Variants in FBXO5 observed in about 807,000 individuals in gnomAD.
FBXO5 encodes F-box protein 5.
A neutral mutation model predicts 43.3 loss-of-function variants in FBXO5; 8 were observed. The ratio of observed to expected loss-of-function variants is 0.18; its 90% CI spans 0.11 to 0.33. The LOEUF is 0.33. Among genes scored for constraint, FBXO5 ranks in the 10% least tolerant of loss-of-function variants. The probability of loss-of-function intolerance (pLI) is 1.00; values close to 1 mark genes in which losing one functional copy is unlikely to be tolerated. For synonymous variants in FBXO5, 204 were observed against 193.7 expected, an observed-to-expected ratio of 1.05 and a Z score of -0.44; for missense variants, 491 against 535.7, an observed-to-expected ratio of 0.92 and a Z score of 0.82.
At chr6:152,973,499 A>G (rs1584078156) in intron 2 of FBXO5, 1 of 167,970 alleles carries the variant, frequency 6.0e-6, no homozygotes, top group African/African-American at 2.4e-5. Flanking sequence ...CTCTAGGCAC[A>G]CTGCTATTAG....
rs761612071 is a variant in FBXO5, at chr6:152,975,347, T to G, written c.378A>C (p.Thr126=). 4.3e-6 allele frequency: 7 copies of G among 1,614,180 alleles called. No homozygotes were observed. The highest frequency in any genetic ancestry group is 5.9e-6 in the Non-Finnish European group (7 of 1,180,014). ...CTTCTATTTCATTTGTACTATTAAGTGTCTGTTGCACATGTTGATTTTCCT... is the reference window on the plus strand; with the variant it reads ...CTTCTATTTCATTTGTACTATTAAGGGTCTGTTGCACATGTTGATTTTCCT... ...HNKENQHVQQ[T]LNSTNEIEAL... Residue 126 remains threonine (T), a synonymous_variant, in exon 2 of 5, where the codon ACA becomes ACC. Coordinates refer to ENST00000229758, the MANE Select transcript of FBXO5 (RefSeq NM_012177.5).
intron 1 of FBXO5, among the ~76,000 whole-genome samples, chr6:152,980,692 C>T (rs926388159): frequency 6.6e-6 from 1 of 152,062 alleles, no homozygotes; most frequent in African/African-American, 2.4e-5. Context: ...TGCATAAATT[C>T]AAGGTCTGTT....
At chr6:152,974,651 C>T (rs2129093590) in intron 2 of FBXO5, among the ~76,000 whole-genome samples, 2 of 152,320 alleles carry the variant, frequency 1.3e-5, no homozygotes, top group Middle Eastern at 6.8e-3. Flanking sequence ...CTTTTGAATG[C>T]TGACATGATG....
intron 2 of FBXO5, 59 bp downstream of exon 2, chr6:152,974,848 G>A (rs1778138908): frequency 1.5e-6 from 2 of 1,341,408 alleles, no homozygotes; most frequent in African/African-American, 2.9e-5. Flanking sequence ...GTGGTACTGA[G>A]CCACTAACAG....
At chr6:152,983,240 CCCA>C (rs1330864851), upstream of FBXO5, 1 of 337,700 alleles carries the variant, frequency 3.0e-6, no homozygotes, top group Non-Finnish European at 5.4e-6. Flanking sequence ...TTACCGGCTC[CCCA>C]CGTCCGGAAA....
rs555149657 is a variant in FBXO5 at position 152,971,109 on chromosome 6, C to G, written c.*54G>C. ...CAATACAATTTTTTTTAAGTTAAAA[C>G]CTAACATTTTCTAACTAACATTCAT... On this transcript the variant is annotated 3_prime_UTR_variant, in exon 5 of 5. Transcript: ENST00000229758. The G allele has an allele frequency of 1.3e-6, 2 of 1,505,928 alleles. No individual in the cohort carries two copies. The highest frequency in any genetic ancestry group is 1.8e-6 in the Non-Finnish European group (2 of 1,124,012). The allele number at this position is 1,505,928 out of a possible 1,614,324, so 93.3% of individuals were successfully genotyped here. A position where few individuals can be genotyped will look rare whatever the true frequency, so the allele number is the denominator to read the frequency against.
intron 1 of FBXO5, among the ~76,000 whole-genome samples, chr6:152,977,337 A>C (rs900321260): frequency 6.6e-6 from 1 of 152,244 alleles, no homozygotes; most frequent in African/African-American, 2.4e-5. Context: ...GTCTGCACTA[A>C]ATATTGGTAA....
In FBXO5 at chr6:152,982,909, G is replaced by T; in HGVS notation, c.51C>A (p.Cys17Ter). Reference protein sequence around the residue: ...SCALRPPRCSCSASPSAVTAA... With the variant: ...SCALRPPRCS ...CTGTCACTGCGCTGGGGCTGGCGCTGCAGGAGCAGCGGGGTGGCCGTAGGG... is the reference window on the plus strand; with the variant it reads ...CTGTCACTGCGCTGGGGCTGGCGCTTCAGGAGCAGCGGGGTGGCCGTAGGG... Residue 17 changes from cysteine to a stop codon, truncating the protein, a stop_gained, in exon 1 of 5, where the codon TGC (cysteine) becomes TGA (stop). Coordinates refer to ENST00000229758, the MANE Select transcript of FBXO5 (RefSeq NM_012177.5). LOFTEE classifies it high-confidence loss of function. 1 of 1,488,242 alleles carries T rather than the reference G, an allele frequency of 6.7e-7. No individual in the cohort carries two copies. The allele number at this position is 1,488,242 out of a possible 1,614,324, so 92.2% of individuals were successfully genotyped here.
rs1333232776 is a variant in FBXO5, at chr6:152,982,877, C to T, written c.83G>A (p.Gly28Glu). ...SASPSAVTAA[G>E]RPRPSDSCKE... Reference sequence around the variant, plus strand: ...CTCACTATCCGAGGGTCGAGGGCGCCCGGCGGCTGTCACTGCGCTGGGGCT... The same window carrying T: ...CTCACTATCCGAGGGTCGAGGGCGCTCGGCGGCTGTCACTGCGCTGGGGCT... Residue 28 changes from glycine to glutamate, a missense_variant, in exon 1 of 5, where the codon GGG becomes GAG. Gly to Glu is a moderately conservative substitution (Grantham distance 98, BLOSUM62 -2). Coordinates refer to ENST00000229758, the MANE Select transcript of FBXO5 (RefSeq NM_012177.5). 1 of 1,512,136 alleles carries T rather than the reference C, an allele frequency of 6.6e-7. No homozygotes were observed. The highest frequency in any genetic ancestry group is 2.0e-5 in the Admixed American group (1 of 50,382). 93.7% of individuals were successfully genotyped at this position (1,512,136 alleles called of 1,614,324 possible).
intron 1 of FBXO5, among the ~76,000 whole-genome samples, chr6:152,979,611 T>C (rs571066152): frequency 6.6e-5 from 10 of 152,334 alleles, no homozygotes; most frequent in African/African-American, 2.4e-4. Context: ...TTGGAATTCT[T>C]CTTTACAGCA....
intron 3 of FBXO5, chr6:152,972,727 G>A (rs1221425953): frequency 2.1e-6 from 1 of 468,830 alleles, no homozygotes; most frequent in Non-Finnish European, 3.8e-6. Context: ...AAGTAAAACA[G>A]CTTTTCCAAA....
chr6:152,980,523 G>A (rs1231349006), intron 1 of FBXO5, among the ~76,000 whole-genome samples: 2 of 152,160 alleles, frequency 1.3e-5, no homozygotes, highest in Admixed American at 6.5e-5. Context: ...GGTCAAAAGT[G>A]GAGAAATTTG....
upstream of FBXO5, chr6:152,983,145 G>A: frequency 2.4e-6 from 1 of 413,970 alleles, no homozygotes; most frequent in Non-Finnish European, 4.3e-6. Context: ...CCAATAGGAG[G>A]GCAGTGGGTG....
intron 1 of FBXO5, among the ~76,000 whole-genome samples, chr6:152,976,833 A>G (rs1778175986): frequency 6.6e-6 from 1 of 152,172 alleles, no homozygotes; most frequent in South Asian, 2.1e-4. Flanking sequence ...TCCCTGTGCT[A>G]CAGACATTTT....
Position 152,982,963 on chromosome 6 carries a change from A to G in FBXO5, c.-4T>C. The G allele has an allele frequency of 7.1e-7, 1 of 1,402,512 alleles. No individual in the cohort carries two copies. Among genetic ancestry groups the G allele is most frequent in the Non-Finnish European group, 9.2e-7 (1 of 1,086,652 alleles). 86.9% of individuals were successfully genotyped at this position (1,402,512 alleles called of 1,614,324 possible). A position where few individuals can be genotyped will look rare whatever the true frequency, so the allele number is the denominator to read the frequency against. ...AGCTGCAGGGGCGCCGGCTCATGCCAGCCGACGTGGAGTCTGCCTCAGGTG... is the reference window on the plus strand; with the variant it reads ...AGCTGCAGGGGCGCCGGCTCATGCCGGCCGACGTGGAGTCTGCCTCAGGTG... On this transcript the variant is annotated 5_prime_UTR_variant, in exon 1 of 5. Coordinates refer to ENST00000229758, the MANE Select transcript of FBXO5 (RefSeq NM_012177.5).
At position 152,971,425 on chromosome 6, in the gene FBXO5, A is replaced by AC; in HGVS notation, c.1093-12_1093-11insG. ...CAATGTCTTGGCAACCTAAAAAGAA[A>AC]AAAAAAACCCATTAACAAATTTCAG... On this transcript the variant is annotated splice_polypyrimidine_tract_variant and intron_variant, in intron 4 of 4. Coordinates refer to ENST00000229758, the MANE Select transcript of FBXO5 (RefSeq NM_012177.5). The AC allele has an allele frequency of 1.9e-6, 3 of 1,577,288 alleles. No individual in the cohort carries two copies. Among genetic ancestry groups the AC allele is most frequent in the Non-Finnish European group, 2.6e-6 (3 of 1,168,304 alleles).
At chr6:152,978,296 T>C (rs1418166482) in intron 1 of FBXO5, among the ~76,000 whole-genome samples, 1 of 148,364 alleles carries the variant, frequency 6.7e-6, no homozygotes. Context: ...TTGTACATCA[T>C]GCCTTTCCCT....
chr6:152,971,908 A>G lies in FBXO5; in HGVS notation c.1092+364T>C, dbSNP rs1299008399. ...AAATGTAGTACTGAGTAATTTTATA[A>G]GAAATCTAGGTTTTTCATTATTTCT... is the stretch of plus-strand genomic sequence containing the variant. On this transcript the variant is annotated intron_variant, in intron 4 of 4. Coordinates refer to ENST00000229758, the MANE Select transcript of FBXO5 (RefSeq NM_012177.5). 7.2e-5 allele frequency among the ~76,000 whole-genome samples: 11 copies of G among 152,180 alleles called. No homozygotes were observed. In the East Asian group the frequency reaches 2.1e-3, roughly 29 times the overall value.
chr6:152,972,643 A>G (rs921330371), intron 3 of FBXO5, 189 bp from the exon 4 acceptor site: 10 of 535,376 alleles, frequency 1.9e-5, no homozygotes, highest in African/African-American at 1.5e-4. Context: ...AGCCTAACTT[A>G]TAGACAGAAA....
Sources: gnomAD v4.1 joint callset for allele counts (sites outside exome capture counted in the v4.1 genomes callset) on GRCh38, gnomAD v4.1.1 for gene constraint, MANE v1.5 for transcripts, NCBI Gene and HGNC (gene_info 2026-07-23, HGNC 2026-07-21) for gene names.